Variants in SCML4 observed in about 807,000 individuals in gnomAD.
The protein encoded by SCML4 is Scm polycomb group protein like 4, also known as sex comb on midleg-like protein 4.
In SCML4, 34 loss-of-function variants were observed where a neutral mutation model predicts 41.1. That is an observed-to-expected ratio of 0.83 (90% CI 0.63 to 1.10). The LOEUF (loss-of-function observed/expected upper bound fraction) is 1.10, where lower values mean the gene tolerates loss of function less well. Among genes scored for constraint, SCML4 ranks in the 50% least tolerant of loss-of-function variants. The pLI is 0.00. For synonymous variants in SCML4, 214 were observed against 220.9 expected (o/e 0.97, Z 0.28); for missense variants, 522 against 534.1 (o/e 0.98, Z 0.22).
intron 2 of SCML4, among the ~76,000 whole-genome samples, chr6:107,750,584 A>AC (rs1160509906): frequency 2.0e-5 from 3 of 152,298 alleles, no homozygotes; most frequent in Non-Finnish European, 4.4e-5. Flanking sequence ...TTCACCTCTG[A>AC]CCTATATCTA....
At chr6:107,726,824 C>A (rs1490229170) in intron 5 of SCML4, among the ~76,000 whole-genome samples, 5 of 152,120 alleles carry the variant, frequency 3.3e-5, no homozygotes, top group African/African-American at 4.8e-5. Context: ...AATGGTGCAG[C>A]CACTTTGGGA....
chr6:107,845,386 G>A, the SCML4 span, among the ~76,000 whole-genome samples: 9 of 152,214 alleles, frequency 5.9e-5, no homozygotes, highest in East Asian at 1.9e-4. Context: ...GCCTAGAGAC[G>A]CTCCGGGGCC....
In SCML4 at chr6:107,717,172, A is replaced by AAAAAAAAAAAT. The variant is rs1321916871; in HGVS notation, c.973+3530_973+3531insATTTTTTTTTT. Among the ~76,000 whole-genome samples, 6 of 112,760 alleles carry AAAAAAAAAAAT rather than the reference A, an allele frequency of 5.3e-5. 1 individual carries two copies. The highest frequency in any genetic ancestry group is 2.1e-4 in the African/African-American group (6 of 28,526). 74.0% of individuals were successfully genotyped at this position (112,760 alleles called of 152,430 possible). On this transcript the variant is annotated intron_variant, in intron 6 of 7. Transcript: ENST00000369020. ...AAAAAAAAAAAAAAAAAAAAAAAAAAAGCCAGGTGTGGTGGCAGGCACCTG... is the reference window on the plus strand; with the variant it reads ...AAAAAAAAAAAAAAAAAAAAAAAAAAAAAAAAAAAATAGCCAGGTGTGGTGGCAGGCACCTG...
chr6:107,717,484 G>T (rs1260321084), intron 6 of SCML4, among the ~76,000 whole-genome samples: 13 of 152,032 alleles, frequency 8.6e-5, no homozygotes, highest in Non-Finnish European at 1.5e-4. Context: ...CCGTGGTGGG[G>T]GTCCTGCTGA....
At chr6:107,791,232 C>G (rs1782301515) in intron 1 of SCML4, among the ~76,000 whole-genome samples, 1 of 152,104 alleles carries the variant, frequency 6.6e-6, no homozygotes, top group South Asian at 2.1e-4. Context: ...AGGGAGACTC[C>G]CAAAATGCCT....
chr6:107,833,882 C>T, the SCML4 span, among the ~76,000 whole-genome samples: 1 of 152,110 alleles, frequency 6.6e-6, no homozygotes, highest in Non-Finnish European at 1.5e-5. Flanking sequence ...GCTCCTTATG[C>T]CTGAAACAGG....
chr6:107,746,964 G>T (rs1255403345), intron 3 of SCML4, 75 bp from the exon 4 acceptor site: 5 of 1,285,770 alleles, frequency 3.9e-6, no homozygotes, highest in Non-Finnish European at 5.4e-6. Context: ...GTGTACACGG[G>T]GGATGCCTCA....
chr6:107,721,736 G>T (rs1311558987), intron 5 of SCML4, among the ~76,000 whole-genome samples: 3 of 152,072 alleles, frequency 2.0e-5, no homozygotes, highest in Non-Finnish European at 4.4e-5. Context: ...GGCCTGGGTG[G>T]TGGCCCAGGT....
chr6:107,836,106 GT>G, the SCML4 span, among the ~76,000 whole-genome samples: 20 of 148,300 alleles, frequency 1.3e-4, no homozygotes, highest in East Asian at 2.0e-4. Context: ...TTTTGCTCCT[GT>G]TTTTTTTTTC....
intron 5 of SCML4, 58 bp from the exon 6 acceptor site, chr6:107,721,051 A>T: frequency 6.6e-7 from 1 of 1,523,114 alleles, no homozygotes; most frequent in Non-Finnish European, 8.8e-7. Context: ...GGAAGCTATC[A>T]GACCCTCCGT....
At chr6:107,724,359 A>G (rs564940182) in intron 5 of SCML4, among the ~76,000 whole-genome samples, 1 of 152,346 alleles carries the variant, frequency 6.6e-6, no homozygotes, top group Non-Finnish European at 1.5e-5. Context: ...AGGAAGAAGT[A>G]CAACTATCTC....
intron 5 of SCML4, among the ~76,000 whole-genome samples, chr6:107,735,473 C>T (rs1028867734): frequency 2.6e-5 from 4 of 151,238 alleles, no homozygotes; most frequent in Admixed American, 6.6e-5. Context: ...TTTTTTTCTT[C>T]AAGTTTTTTT....
intron 1 of SCML4, 118 bp from the exon 2 acceptor site, chr6:107,772,504 A>C: frequency 1.8e-6 from 1 of 568,002 alleles, no homozygotes; most frequent in Non-Finnish European, 3.0e-6. Flanking sequence ...GGAGGGGAAG[A>C]CCAAATATGA....
chr6:107,770,727 G>A (rs2114567432), intron 2 of SCML4, among the ~76,000 whole-genome samples: 1 of 152,274 alleles, frequency 6.6e-6, no homozygotes, highest in East Asian at 1.9e-4. Context: ...TCCTTTCATG[G>A]AATGAATTTT....
intron 5 of SCML4, among the ~76,000 whole-genome samples, chr6:107,722,223 T>C (rs1380698393): frequency 1.3e-5 from 2 of 152,134 alleles, no homozygotes; most frequent in Non-Finnish European, 2.9e-5. Flanking sequence ...GTGATCCATC[T>C]GCCTCGGCCT....
At chr6:107,759,103 AT>A (rs1467452278) in intron 2 of SCML4, among the ~76,000 whole-genome samples, 1 of 145,288 alleles carries the variant, frequency 6.9e-6, no homozygotes. Context: ...TCTGGACAAA[AT>A]GGCAAAACTC....
chr6:107,750,311 G>C (rs1162802431), intron 2 of SCML4, among the ~76,000 whole-genome samples: 7 of 152,208 alleles, frequency 4.6e-5, no homozygotes, highest in African/African-American at 1.7e-4. Flanking sequence ...ACATACCACT[G>C]TGTTTATTTC....
chr6:107,736,544 G>A (rs953881754), intron 5 of SCML4, among the ~76,000 whole-genome samples: 3 of 152,174 alleles, frequency 2.0e-5, no homozygotes, highest in African/African-American at 7.2e-5. Flanking sequence ...GGCCCTGTGC[G>A]CCTCGCTGCA....
chr6:107,772,250 A>G lies in SCML4; in HGVS notation c.78T>C (p.His26=), dbSNP rs1182018991. The G allele has an allele frequency of 3.2e-6, 5 of 1,551,754 alleles. No homozygotes were observed. The highest frequency in any genetic ancestry group is 4.4e-6 in the Non-Finnish European group (5 of 1,147,022). Residue 26 remains histidine (H), a synonymous_variant, in exon 2 of 8, where the codon CAT becomes CAC. Coordinates refer to ENST00000369020, the MANE Select transcript of SCML4 (RefSeq NM_198081.5). ...LHSTPMKMAV[H]NLYSASAGSL... ...AGCCAGCTGAAGCAGAATAAAGGTTATGAACTGCCATCTTCATAGGCGTGG... is the reference window on the plus strand; with the variant it reads ...AGCCAGCTGAAGCAGAATAAAGGTTGTGAACTGCCATCTTCATAGGCGTGG...
Sources: gnomAD v4.1 joint callset for allele counts (sites outside exome capture counted in the v4.1 genomes callset) on GRCh38, gnomAD v4.1.1 for gene constraint, MANE v1.5 for transcripts, NCBI Gene and HGNC (gene_info 2026-07-23, HGNC 2026-07-21) for gene names.